Variants in PPP1R12A observed in about 807,000 individuals in gnomAD.
The protein encoded by PPP1R12A is protein phosphatase 1 regulatory subunit 12A, also known as myosin binding subunit.
In PPP1R12A, 19 loss-of-function variants were observed where a neutral mutation model predicts 139.6. The ratio of observed to expected loss-of-function variants is 0.14; its 90% confidence interval spans 0.09 to 0.20. The LOEUF is 0.20. Ranked by LOEUF, PPP1R12A falls within the 10% of genes least tolerant of loss-of-function variation. The pLI is 1.00. For synonymous variants in PPP1R12A, 427 were observed against 420.6 expected (o/e 1.02, Z -0.19); for missense variants, 925 against 1,211.5 (o/e 0.76, Z 3.51).
intron 2 of PPP1R12A, among the ~76,000 whole-genome samples, chr12:79,851,493 T>A (rs1050540834): frequency 1.3e-5 from 2 of 152,242 alleles, no homozygotes; most frequent in African/African-American, 4.8e-5. Flanking sequence ...TGATTTCTGA[T>A]GAGAAATCTG....
chr12:79,784,030 C>A (rs1870799774), intron 22 of PPP1R12A, among the ~76,000 whole-genome samples: 1 of 152,004 alleles, frequency 6.6e-6, no homozygotes, highest in African/African-American at 2.4e-5. Flanking sequence ...AGTCTCTTGG[C>A]TAAATAGTAT....
chr12:79,784,542 G>C (rs935771880), intron 22 of PPP1R12A, among the ~76,000 whole-genome samples: 1 of 152,190 alleles, frequency 6.6e-6, no homozygotes, highest in African/African-American at 2.4e-5. Flanking sequence ...AATGAAGTAG[G>C]CAGCAGAGCA....
chr12:79,910,166 T>G (rs1223144383), intron 1 of PPP1R12A, among the ~76,000 whole-genome samples: 3 of 152,008 alleles, frequency 2.0e-5, no homozygotes, highest in Non-Finnish European at 4.4e-5. Flanking sequence ...TGGGATGGGA[T>G]AACTACAATA....
intron 2 of PPP1R12A, among the ~76,000 whole-genome samples, chr12:79,869,081 A>C (rs1882290189): frequency 3.9e-5 from 6 of 152,208 alleles, no homozygotes; most frequent in Admixed American, 3.9e-4. Flanking sequence ...AAAGGACATT[A>C]CTAAACAACC....
intron 4 of PPP1R12A, among the ~76,000 whole-genome samples, chr12:79,828,799 A>G (rs1877085730): frequency 6.6e-6 from 1 of 152,162 alleles, no homozygotes; most frequent in African/African-American, 2.4e-5. Flanking sequence ...TTCAATGTAA[A>G]ATCGAAAACT....
intron 2 of PPP1R12A, among the ~76,000 whole-genome samples, chr12:79,866,671 C>T (rs1881999022): frequency 6.6e-6 from 1 of 152,136 alleles, no homozygotes; most frequent in African/African-American, 2.4e-5. Context: ...TATGAACAGC[C>T]ACTTCTCAAA....
At chr12:79,892,760 T>C (rs1259813095) in intron 1 of PPP1R12A, among the ~76,000 whole-genome samples, 2 of 152,062 alleles carry the variant, frequency 1.3e-5, no homozygotes, top group Middle Eastern at 3.2e-3. Flanking sequence ...AAAATTATCA[T>C]AGTATTTCCA....
chr12:79,933,320 A>G (rs1359376761), intron 1 of PPP1R12A, among the ~76,000 whole-genome samples: 1 of 152,234 alleles, frequency 6.6e-6, no homozygotes, highest in East Asian at 1.9e-4. Flanking sequence ...GAATTCCATT[A>G]CACAAAATTT....
chr12:79,900,682 T>C (rs1592796203), intron 1 of PPP1R12A, among the ~76,000 whole-genome samples: 1 of 152,170 alleles, frequency 6.6e-6, no homozygotes, highest in South Asian at 2.1e-4. Context: ...TGTAACGTAA[T>C]TACATGACTT....
upstream of PPP1R12A, chr12:79,935,172 C>G: frequency 7.5e-7 from 1 of 1,335,446 alleles, no homozygotes; most frequent in African/African-American, 1.5e-5. Flanking sequence ...GGCCACCCGT[C>G]ACCGGCGGCC....
chr12:79,817,336 G>C (rs1207204666), intron 9 of PPP1R12A, 58 bp downstream of exon 9: 1 of 1,511,470 alleles, frequency 6.6e-7, no homozygotes, highest in African/African-American at 1.4e-5. Context: ...TAATGAGTTA[G>C]TCCAAGTGGT....
intron 21 of PPP1R12A, chr12:79,787,652 T>G: frequency 2.0e-5 from 3 of 152,302 alleles, no homozygotes; most frequent in Non-Finnish European, 4.4e-5. Context: ...GCTGGGATTA[T>G]AGGCATGCGC....
chr12:79,898,626 C>T lies in PPP1R12A; in HGVS notation c.238-25688G>A, dbSNP rs575450900. Among the ~76,000 whole-genome samples the T allele has an allele frequency of 6.8e-3, 1,029 of 152,308 alleles. 10 individuals are homozygous for T. The highest frequency in any genetic ancestry group is 0.01 in the Non-Finnish European group (692 of 68,026). ...GAAGAAATAGTCTACCACTCACAAA[C>T]TGAACTTCTAATGATTTCTTACACA... On this transcript the variant is annotated intron_variant, in intron 1 of 24. Transcript: ENST00000450142.
chr12:79,781,893 T>A (rs370886849), intron 22 of PPP1R12A, 31 bp from the exon 23 acceptor site: 2 of 1,457,092 alleles, frequency 1.4e-6, no homozygotes, highest in South Asian at 1.3e-5. Flanking sequence ...ATAAAAGAGA[T>A]AAGTGCAAAA....
At chr12:79,930,422 TTAAA>T (rs2136974076) in intron 1 of PPP1R12A, among the ~76,000 whole-genome samples, 1 of 151,910 alleles carries the variant, frequency 6.6e-6, no homozygotes, top group South Asian at 2.1e-4. Context: ...GCATGCTAGA[TTAAA>T]TAAGGGAGAG....
At position 79,872,930 on chromosome 12, in the gene PPP1R12A, A is replaced by G. The variant is rs1196557760; in HGVS notation, c.246T>C (p.Ile82=). The G allele has an allele frequency of 6.2e-7, 1 of 1,612,438 alleles. No homozygotes were observed. The highest frequency in any genetic ancestry group is 8.5e-7 in the Non-Finnish European group (1 of 1,179,442). The change falls in exon 2 of 25, where the codon ATT becomes ATC. Residue 82 remains isoleucine, a synonymous_variant. Coordinates refer to ENST00000450142, the MANE Select transcript of PPP1R12A (RefSeq NM_002480.3). Reference sequence around the variant, plus strand: ...ACTTCACCATATCAACATTGTCATCAATGCAAGCCTAAAAACAAAACAGAA... The same window carrying G: ...ACTTCACCATATCAACATTGTCATCGATGCAAGCCTAAAAACAAAACAGAA... ...DGLTALHQAC[I]DDNVDMVKFL...
intron 1 of PPP1R12A, among the ~76,000 whole-genome samples, chr12:79,912,065 G>A (rs969628779): frequency 2.0e-5 from 3 of 151,958 alleles, no homozygotes; most frequent in Non-Finnish European, 4.4e-5. Context: ...TTCCTCTGCT[G>A]AGCATGCTTT....
chr12:79,893,754 A>T (rs546035385), intron 1 of PPP1R12A, among the ~76,000 whole-genome samples: 1 of 152,322 alleles, frequency 6.6e-6, no homozygotes, highest in Admixed American at 6.5e-5. Flanking sequence ...TGTGTAATTG[A>T]TACTAAAAAT....
intron 1 of PPP1R12A, among the ~76,000 whole-genome samples, chr12:79,891,631 C>G (rs948581020): frequency 1.4e-4 from 21 of 152,144 alleles, no homozygotes; most frequent in Non-Finnish European, 4.4e-5. Context: ...GTAACTGCCT[C>G]CCCTAGACTG....
Sources: gnomAD v4.1 joint callset for allele counts (sites outside exome capture counted in the v4.1 genomes callset) on GRCh38, gnomAD v4.1.1 for gene constraint, MANE v1.5 for transcripts, NCBI Gene and HGNC (gene_info 2026-07-23, HGNC 2026-07-21) for gene names.